SORCS2: variants seen among roughly 807,000 people sequenced by gnomAD.
The protein encoded by SORCS2 is sortilin related VPS10 domain containing receptor 2, also known as VPS10 domain-containing receptor SorCS2.
Under a neutral mutation model 141.6 loss-of-function variants are expected in SORCS2, and 100 were observed. The ratio of observed to expected loss-of-function variants is 0.71; its 90% CI spans 0.60 to 0.83. The LOEUF (loss-of-function observed/expected upper bound fraction) is 0.83, where lower values mean the gene tolerates loss of function less well. SORCS2 is among the 40% of genes least tolerant of loss of function. The pLI is 0.00. For synonymous variants in SORCS2, 789 were observed against 676.9 expected (o/e 1.17, Z -2.57); for missense variants, 1,646 against 1,560.2 (o/e 1.05, Z -0.93).
intron 1 of SORCS2, among the ~76,000 whole-genome samples, chr4:7,198,191 G>GAGAGA (rs1727276906): frequency 6.6e-6 from 1 of 152,128 alleles, no homozygotes; most frequent in Admixed American, 6.5e-5. Flanking sequence ...TGCGTGGCTG[G>GAGAGA]GCGCACAGGA....
chr4:7,410,409 A>G lies in SORCS2; in HGVS notation c.548+14054A>G, dbSNP rs534985227. ...CATGGAAAGTCCTCTGTGCACATAG[A>G]CAGGCCTTCGTTTCAATTCTGGCTC... On this transcript the variant is annotated intron_variant, in intron 2 of 26. Coordinates refer to ENST00000507866, the MANE Select transcript of SORCS2 (RefSeq NM_020777.3). Among the ~76,000 whole-genome samples, 3 of 152,298 alleles carry G rather than the reference A, an allele frequency of 2.0e-5. No individual in the cohort carries two copies. In the East Asian group the frequency reaches 5.8e-4, roughly 29 times the overall value.
intron 1 of SORCS2, among the ~76,000 whole-genome samples, chr4:7,374,820 G>A (rs1722534499): frequency 2.0e-5 from 3 of 152,150 alleles, no homozygotes; most frequent in African/African-American, 7.2e-5. Context: ...TCTCTGCCTG[G>A]GTAGACCGCG....
At chr4:7,205,684 T>G (rs928082792) in intron 1 of SORCS2, among the ~76,000 whole-genome samples, 2 of 152,248 alleles carry the variant, frequency 1.3e-5, no homozygotes, top group Non-Finnish European at 2.9e-5. Context: ...AGGCCATTGT[T>G]TCTGCATCCA....
chr4:7,328,375 AG>A (rs1577404586), intron 1 of SORCS2, among the ~76,000 whole-genome samples: 2 of 152,042 alleles, frequency 1.3e-5, no homozygotes, highest in East Asian at 3.9e-4. Context: ...CTGAATCCTC[AG>A]GGCTCTTCTA....
At chr4:7,607,962 G>T (rs911098688) in intron 3 of SORCS2, among the ~76,000 whole-genome samples, 3 of 152,128 alleles carry the variant, frequency 2.0e-5, no homozygotes, top group Non-Finnish European at 4.4e-5. Flanking sequence ...TTTGGTTTGG[G>T]CTCTCGCAGA....
At chr4:7,457,813 C>A (rs564237102) in intron 2 of SORCS2, among the ~76,000 whole-genome samples, 1 of 152,196 alleles carries the variant, frequency 6.6e-6, no homozygotes, top group Non-Finnish European at 1.5e-5. Context: ...GGGGAAGAGG[C>A]CAGAAAGGGA....
intron 1 of SORCS2, among the ~76,000 whole-genome samples, chr4:7,278,190 G>A (rs1380177473): frequency 6.6e-6 from 1 of 152,118 alleles, no homozygotes; most frequent in South Asian, 2.1e-4. Context: ...TTCATCAATA[G>A]CGTGTAAGTC....
intron 1 of SORCS2, among the ~76,000 whole-genome samples, chr4:7,354,677 G>C (rs1165070945): frequency 2.0e-5 from 3 of 152,198 alleles, no homozygotes; most frequent in Non-Finnish European, 4.4e-5. Flanking sequence ...AGAGAGCTCT[G>C]CTAGCGTGGG....
intron 9 of SORCS2, among the ~76,000 whole-genome samples, chr4:7,681,223 TG>T (rs1723507072): frequency 6.6e-6 from 1 of 152,184 alleles, no homozygotes; most frequent in African/African-American, 2.4e-5. Context: ...AGAACCTGCA[TG>T]TATGTTACCT....
intron 1 of SORCS2, among the ~76,000 whole-genome samples, chr4:7,390,442 C>T (rs114608476): frequency 9.8e-5 from 15 of 152,298 alleles, no homozygotes; most frequent in East Asian, 1.9e-4. Context: ...GAGGCGATGC[C>T]GAGTGCTCCT....
chr4:7,427,183 G>A (rs1577542338), intron 2 of SORCS2, among the ~76,000 whole-genome samples: 1 of 152,214 alleles, frequency 6.6e-6, no homozygotes, highest in Non-Finnish European at 1.5e-5. Flanking sequence ...TCCATTGTGG[G>A]CACATGGAGG....
chr4:7,557,558 A>G (rs2109658873), intron 3 of SORCS2, among the ~76,000 whole-genome samples: 1 of 152,350 alleles, frequency 6.6e-6, no homozygotes, highest in South Asian at 2.1e-4. Context: ...TGAGAATTGG[A>G]TTAACTGCTC....
At chr4:7,700,335 C>G (rs1040224945) in intron 12 of SORCS2, among the ~76,000 whole-genome samples, 2 of 152,238 alleles carry the variant, frequency 1.3e-5, no homozygotes, top group African/African-American at 2.4e-5. Context: ...GGCCCCCTCT[C>G]TTTGCTGGTA....
In SORCS2 at chr4:7,346,259, T is replaced by C. The variant is rs528299930; in HGVS notation, c.481-50029T>C. ...TGTTGTGCTTCAGTTTTATTCAGTT[T>C]ATTTTCTAATTTCCTTAGTGATTTC... On this transcript the variant is annotated intron_variant, in intron 1 of 26. Coordinates refer to ENST00000507866, the MANE Select transcript of SORCS2 (RefSeq NM_020777.3). Among the ~76,000 whole-genome samples, 90 of 152,254 alleles carry C rather than the reference T, an allele frequency of 5.9e-4. 1 individual carries two copies. Among genetic ancestry groups the C allele is most frequent in the Non-Finnish European group, 1.0e-3 (69 of 68,042 alleles).
intron 4 of SORCS2, among the ~76,000 whole-genome samples, 196 bp from the exon 5 acceptor site, chr4:7,653,938 G>A (rs988345570): frequency 1.3e-5 from 2 of 152,188 alleles, no homozygotes; most frequent in African/African-American, 2.4e-5. Flanking sequence ...CAGCTGGCCC[G>A]GGGACAGGAA....
chr4:7,728,302 G>C, intron 21 of SORCS2, 48 bp from the exon 22 acceptor site: 1 of 1,461,456 alleles, frequency 6.8e-7, no homozygotes, highest in Non-Finnish European at 9.5e-7. Context: ...AGCCGTCAGA[G>C]CCAGGCTGTC....
intron 2 of SORCS2, among the ~76,000 whole-genome samples, chr4:7,491,906 G>T (rs890920299): frequency 2.3e-4 from 35 of 152,300 alleles, no homozygotes; most frequent in African/African-American, 8.4e-4. Context: ...GACAGCAGGG[G>T]CTGCCTGGAG....
intron 2 of SORCS2, among the ~76,000 whole-genome samples, chr4:7,397,094 C>T (rs1724262905): frequency 6.6e-6 from 1 of 152,090 alleles, no homozygotes; most frequent in African/African-American, 2.4e-5. Flanking sequence ...TTTTGGTTTC[C>T]AACATATGTT....
chr4:7,357,821 C>T (rs943945173), intron 1 of SORCS2, among the ~76,000 whole-genome samples: 2 of 152,178 alleles, frequency 1.3e-5, no homozygotes, highest in Admixed American at 6.5e-5. Context: ...GCCTTCTCCC[C>T]ATCCTGCCTT....
Sources: allele counts gnomAD v4.1 joint callset (sites outside exome capture counted in the v4.1 genomes callset), GRCh38; gene constraint gnomAD v4.1.1; transcripts MANE v1.5; gene names NCBI Gene and HGNC (gene_info 2026-07-23, HGNC 2026-07-21).